LSM11: variants seen among roughly 807,000 people sequenced by gnomAD.
LSM11 encodes the protein U7 snRNA-associated Sm-like protein LSm11.
A neutral mutation model predicts 28.1 loss-of-function variants in LSM11; 14 were observed. The observed-to-expected ratio is 0.50, with a 90% CI of 0.33 to 0.78. The LOEUF (loss-of-function observed/expected upper bound fraction) is 0.78, where lower values mean the gene tolerates loss of function less well. Ranked by LOEUF, LSM11 falls within the 30% of genes least tolerant of loss-of-function variation. LSM11 has a pLI of 0.02. For missense variants in LSM11, 495 were observed against 510.6 expected, an observed-to-expected ratio of 0.97 and a Z score of 0.30; for synonymous variants, 207 against 214.2, an observed-to-expected ratio of 0.97 and a Z score of 0.30.
chr5:157,747,993 CTGTGTGTGTGTGTG>C (rs5872520), intron 1 of LSM11, among the ~76,000 whole-genome samples: 11 of 148,618 alleles, frequency 7.4e-5, no homozygotes, highest in African/African-American at 1.7e-4. Context: ...CACCACACTG[CTGTGTGTGTGTGTG>C]TGTGTGTGTG....
rs1761099826 is a variant in LSM11 at position 157,743,790 on chromosome 5, G to A, written c.40G>A (p.Gly14Arg). The A allele has an allele frequency of 2.1e-6, 3 of 1,445,346 alleles. No individual in the cohort carries two copies. Among genetic ancestry groups the A allele is most frequent in the Admixed American group, 2.8e-5 (1 of 35,350 alleles). 89.5% of individuals were successfully genotyped at this position (1,445,346 alleles called of 1,614,324 possible). ...RERGARSAGA[G>R]SPARPPSPRL... ...GCGGGGGGCGAGGTCGGCTGGCGCC[G>A]GGAGCCCCGCGCGCCCGCCCAGCCC... Residue 14 changes from glycine to arginine, a missense_variant, in exon 1 of 4, where the codon GGG (glycine) becomes AGG (arginine). Physicochemically the swap from Gly to Arg is moderately radical, Grantham distance 125. Transcript: ENST00000286307.
rs1761308607 is a variant in LSM11 at position 157,755,384 on chromosome 5, A to G, written c.*120A>G. The G allele has an allele frequency of 1.8e-6, 2 of 1,119,410 alleles. No individual in the cohort carries two copies. The highest frequency in any genetic ancestry group is 2.5e-6 in the Non-Finnish European group (2 of 798,562). 69.3% of individuals were successfully genotyped at this position (1,119,410 alleles called of 1,614,324 possible). A position where few individuals can be genotyped will look rare whatever the true frequency, so the allele number is the denominator to read the frequency against. ...ATTCCCTCTGGTCCTGCATATGCAG[A>G]GGACGGAGCAGGCTCAGCCCCCTGG... On this transcript the variant is annotated 3_prime_UTR_variant, in exon 4 of 4. Transcript: ENST00000286307.
Position 157,754,004 on chromosome 5 carries a change from G to T in LSM11, c.589G>T (p.Ala197Ser). 6.5e-7 allele frequency: 1 copy of T among 1,533,694 alleles called. No individual in the cohort carries two copies. Among genetic ancestry groups the T allele is most frequent in the Non-Finnish European group, 8.8e-7 (1 of 1,142,528 alleles). ...TTTTCCTTTTGGGCTGTTCCTCTAG[G>T]CACTTACTGATGTGGATGAGACCTA... ...LVAFDKFWNM[A>S]LTDVDETYRK... Residue 197 changes from alanine (A) to serine (S), a missense_variant and splice_region_variant, in exon 3 of 4, where the codon GCA (alanine) becomes TCA (serine). Transcript: ENST00000286307.
chr5:157,744,881 C>T (rs1247119142), intron 1 of LSM11, among the ~76,000 whole-genome samples: 2 of 152,236 alleles, frequency 1.3e-5, no homozygotes, highest in Non-Finnish European at 2.9e-5. Context: ...TACTAAGTCA[C>T]AAGTGCTGAA....
intron 2 of LSM11, among the ~76,000 whole-genome samples, chr5:157,753,016 A>G (rs191705338): frequency 2.0e-5 from 3 of 152,322 alleles, no homozygotes; most frequent in African/African-American, 7.2e-5. Context: ...GCCAGGTACT[A>G]TACTGAGGGC....
In LSM11 at chr5:157,756,889, C is replaced by A. The variant is rs554470326; in HGVS notation, c.*1625C>A. 6.6e-6 allele frequency: 1 copy of A among 152,502 alleles called. No homozygotes were observed. The highest frequency in any genetic ancestry group is 1.5e-5 in the Non-Finnish European group (1 of 68,080). 9.4% of individuals were successfully genotyped at this position (152,502 alleles called of 1,614,324 possible). On this transcript the variant is annotated 3_prime_UTR_variant, in exon 4 of 4. Coordinates refer to ENST00000286307, the MANE Select transcript of LSM11 (RefSeq NM_173491.4). Reference sequence around the variant, plus strand: ...TGCTACATAAAAAAGTAATCTCAGCCAGGCACGGTGGCTCACGCCTGTAAT... The same window carrying A: ...TGCTACATAAAAAAGTAATCTCAGCAAGGCACGGTGGCTCACGCCTGTAAT...
intron 1 of LSM11, 97 bp downstream of exon 1, chr5:157,744,295 T>G: frequency 1.1e-6 from 1 of 941,304 alleles, no homozygotes; most frequent in Non-Finnish European, 1.4e-6. Context: ...GGCGCGGGTC[T>G]GCACGTATTG....
intron 1 of LSM11, 35 bp downstream of exon 1, chr5:157,744,233 C>A (rs910215609): frequency 3.2e-6 from 4 of 1,242,998 alleles, no homozygotes; most frequent in African/African-American, 3.1e-5. Flanking sequence ...GCGGGGCAGC[C>A]GCCGTCCGGA....
intron 1 of LSM11, among the ~76,000 whole-genome samples, chr5:157,750,058 A>G (rs1761206944): frequency 6.6e-6 from 1 of 152,204 alleles, no homozygotes. Context: ...TTGCGTTGCA[A>G]ACTTGGGAAA....
At chr5:157,750,232 C>G (rs1485481285) in intron 1 of LSM11, among the ~76,000 whole-genome samples, 2 of 152,134 alleles carry the variant, frequency 1.3e-5, no homozygotes, top group African/African-American at 4.8e-5. Context: ...GCCTGGGTGA[C>G]AGTGAGACCC....
In LSM11 at chr5:157,759,250, T is replaced by G. The variant is rs1464315091; in HGVS notation, c.*3986T>G. 1 of 152,210 alleles carries G rather than the reference T, an allele frequency of 6.6e-6. No individual in the cohort carries two copies. Among genetic ancestry groups the G allele is most frequent in the Non-Finnish European group, 1.5e-5 (1 of 68,038 alleles). The allele number at this position is 152,210 out of a possible 1,614,324, so 9.4% of individuals were successfully genotyped here. A position where few individuals can be genotyped will look rare whatever the true frequency, so the allele number is the denominator to read the frequency against. ...AGAGTCCAGGAGCTCCTTTAGAGAT[T>G]GTCAAGTCCTGAGCGATGAGCTGCC... On this transcript the variant is annotated 3_prime_UTR_variant, in exon 4 of 4. Coordinates refer to ENST00000286307, the MANE Select transcript of LSM11 (RefSeq NM_173491.4).
chr5:157,743,844 G>C lies in LSM11; in HGVS notation c.94G>C (p.Asp32His). Residue 32 changes from aspartate to histidine, a missense_variant, in exon 1 of 4, where the codon GAC becomes CAC. Transcript: ENST00000286307. The part of the protein sequence containing the change: ...PRLDVSSDSF[D>H]PLLALYAPRL... Reference sequence around the variant, plus strand: ...GCTGGATGTCAGCTCTGACAGCTTCGACCCGCTGCTGGCCCTGTACGCGCC... The same window carrying C: ...GCTGGATGTCAGCTCTGACAGCTTCCACCCGCTGCTGGCCCTGTACGCGCC... The C allele has an allele frequency of 6.4e-7, 1 of 1,553,424 alleles. No individual in the cohort carries two copies. The highest frequency in any genetic ancestry group is 8.7e-7 in the Non-Finnish European group (1 of 1,152,576).
intron 1 of LSM11, among the ~76,000 whole-genome samples, chr5:157,749,735 C>T (rs752199090): frequency 2.8e-4 from 43 of 152,182 alleles, no homozygotes; most frequent in South Asian, 2.1e-4. Flanking sequence ...TGCTTCGTGT[C>T]GCTTCCAACT....
At chr5:157,751,792 G>A (rs973247654) in intron 2 of LSM11, among the ~76,000 whole-genome samples, 2 of 152,036 alleles carry the variant, frequency 1.3e-5, no homozygotes, top group African/African-American at 4.8e-5. Context: ...ACATTTTATT[G>A]TCACCACTAT....
chr5:157,753,267 T>C (rs904803899), intron 2 of LSM11, among the ~76,000 whole-genome samples: 1 of 152,230 alleles, frequency 6.6e-6, no homozygotes, highest in Non-Finnish European at 1.5e-5. Context: ...TCTCTGAGCC[T>C]CAGTTTTCTC....
intron 2 of LSM11, among the ~76,000 whole-genome samples, chr5:157,752,260 G>T (rs538275057): frequency 6.6e-6 from 1 of 151,036 alleles, no homozygotes; most frequent in South Asian, 2.1e-4. Flanking sequence ...CTCCTGAGTA[G>T]CTGGGATTAC....
chr5:157,749,735 C>A (rs752199090), intron 1 of LSM11, among the ~76,000 whole-genome samples: 1 of 152,300 alleles, frequency 6.6e-6, no homozygotes. Flanking sequence ...TGCTTCGTGT[C>A]GCTTCCAACT....
At chr5:157,750,154 G>C (rs909443043) in intron 1 of LSM11, among the ~76,000 whole-genome samples, 2 of 152,198 alleles carry the variant, frequency 1.3e-5, no homozygotes, top group Non-Finnish European at 2.9e-5. Flanking sequence ...AGTGGGTTGA[G>C]CTAGGGGGAT....
At position 157,754,851 on chromosome 5, in the gene LSM11, T is replaced by C. The variant is rs2113078060; in HGVS notation, c.673-3T>C. 1 of 1,611,380 alleles carries C rather than the reference T, an allele frequency of 6.2e-7. No homozygotes were observed. The highest frequency in any genetic ancestry group is 1.3e-5 in the African/African-American group (1 of 74,992). On this transcript the variant is annotated splice_region_variant and splice_polypyrimidine_tract_variant and intron_variant, in intron 3 of 3. Transcript: ENST00000286307. ...CTAATATTTATCATTGTTTGCTTTATAGCTATTTGATCGGCTGAAACTTCA... is the reference window on the plus strand; with the variant it reads ...CTAATATTTATCATTGTTTGCTTTACAGCTATTTGATCGGCTGAAACTTCA...
Sources: gnomAD v4.1 joint callset for allele counts (sites outside exome capture counted in the v4.1 genomes callset) on GRCh38, gnomAD v4.1.1 for gene constraint, MANE v1.5 for transcripts, NCBI Gene and HGNC (gene_info 2026-07-23, HGNC 2026-07-21) for gene names.